Variants in CCDC191 observed in about 807,000 individuals in gnomAD.
CCDC191 encodes coiled-coil domain containing 191.
A neutral mutation model predicts 114.0 loss-of-function variants in CCDC191; 99 were observed. The observed-to-expected ratio is 0.87, with a 90% confidence interval of 0.74 to 1.03. CCDC191 has a LOEUF of 1.03. CCDC191 is among the 50% of genes least tolerant of loss of function. CCDC191 has a pLI of 0.00. For missense variants in CCDC191, 973 were observed against 1,087.0 expected, an observed-to-expected ratio of 0.90 and a Z score of 1.47; for synonymous variants, 351 against 376.0, an observed-to-expected ratio of 0.93 and a Z score of 0.77.
intron 14 of CCDC191, among the ~76,000 whole-genome samples, chr3:113,979,427 A>G (rs1416134235): frequency 2.0e-5 from 3 of 152,232 alleles, no homozygotes; most frequent in Non-Finnish European, 4.4e-5. Flanking sequence ...AATACTTTCA[A>G]TTAGTGTTGT....
rs190072769 is a variant in CCDC191 at position 113,970,619 on chromosome 3, C to A, written c.2607-5260G>T. Among the ~76,000 whole-genome samples the A allele has an allele frequency of 2.4e-3, 367 of 152,192 alleles. 3 individuals carry two copies. The highest frequency in any genetic ancestry group is 7.9e-3 in the African/African-American group (330 of 41,520). ...TTTTAGGGTACATGTGCACAACATGCAGGTTTGTTACATATGTATACATGT... is the reference window on the plus strand; with the variant it reads ...TTTTAGGGTACATGTGCACAACATGAAGGTTTGTTACATATGTATACATGT... On this transcript the variant is annotated intron_variant, in intron 16 of 16. Transcript: ENST00000295878.
intron 16 of CCDC191, among the ~76,000 whole-genome samples, chr3:113,971,100 C>A (rs1181236632): frequency 6.6e-6 from 1 of 152,180 alleles, no homozygotes; most frequent in East Asian, 1.9e-4. Flanking sequence ...ATGGGTGGGT[C>A]AAATGGTATT....
At chr3:113,970,657 T>C (rs1371412079) in intron 16 of CCDC191, among the ~76,000 whole-genome samples, 1 of 152,188 alleles carries the variant, frequency 6.6e-6, no homozygotes, top group Admixed American at 6.5e-5. Flanking sequence ...CATGTTGGTG[T>C]GCTGCACCCA....
At chr3:114,015,833 C>A (rs539169083) in intron 8 of CCDC191, among the ~76,000 whole-genome samples, 2 of 152,244 alleles carry the variant, frequency 1.3e-5, no homozygotes, top group African/African-American at 4.8e-5. Flanking sequence ...AACAGAGTAA[C>A]CACAATTCCT....
At chr3:113,996,332 G>C (rs2075721343) in intron 13 of CCDC191, among the ~76,000 whole-genome samples, 1 of 152,112 alleles carries the variant, frequency 6.6e-6, no homozygotes, top group South Asian at 2.1e-4. Flanking sequence ...GCATAGGCTA[G>C]CCAGTTTTCC....
At chr3:113,993,157 G>T (rs1300986081) in intron 13 of CCDC191, among the ~76,000 whole-genome samples, 1 of 152,150 alleles carries the variant, frequency 6.6e-6, no homozygotes, top group East Asian at 1.9e-4. Flanking sequence ...TGTGACCCAG[G>T]TGTGGTGGCT....
chr3:114,003,567 A>G (rs181653624), intron 11 of CCDC191: 1 of 985,472 alleles, frequency 1.0e-6, no homozygotes, highest in African/African-American at 1.7e-5. Context: ...AATCATCAAA[A>G]GACTACTTGA....
At chr3:113,978,379 CAAAG>C (rs1559875667) in intron 15 of CCDC191, 48 bp from the exon 16 acceptor site, 1 of 1,587,050 alleles carries the variant, frequency 6.3e-7, no homozygotes, top group African/African-American at 1.3e-5. Context: ...TATCAGTTGA[CAAAG>C]AATTAGAGCA....
intron 2 of CCDC191, among the ~76,000 whole-genome samples, chr3:114,049,237 A>AT (rs1408092600): frequency 6.6e-6 from 1 of 152,132 alleles, no homozygotes; most frequent in Non-Finnish European, 1.5e-5. Context: ...GTAGAGACCT[A>AT]TTTTCCCATA....
At chr3:114,022,414 A>G (rs935300571) in intron 7 of CCDC191, among the ~76,000 whole-genome samples, 2 of 152,270 alleles carry the variant, frequency 1.3e-5, no homozygotes, top group South Asian at 2.1e-4. Flanking sequence ...TTCCTCAGCT[A>G]TTTCTCTTTT....
In CCDC191 at chr3:114,001,287, C is replaced by T. The variant is rs1157053546; in HGVS notation, c.2163+308G>A. On this transcript the variant is annotated intron_variant, in intron 13 of 16. Transcript: ENST00000295878. Reference sequence around the variant, plus strand: ...GAATAAAACAGCCATAAAACAAATGCACAATGATAACTGTCAATAATGTTC... The same window carrying T: ...GAATAAAACAGCCATAAAACAAATGTACAATGATAACTGTCAATAATGTTC... Among the ~76,000 whole-genome samples, 5 of 152,096 alleles carry T rather than the reference C, an allele frequency of 3.3e-5. No individual in the cohort carries two copies. The East Asian group carries it at 9.6e-4, about 29-fold the overall frequency.
At chr3:114,046,870 G>C in intron 2 of CCDC191, 138 bp from the exon 3 acceptor site, 2 of 1,382,126 alleles carry the variant, frequency 1.4e-6, no homozygotes, top group Non-Finnish European at 1.9e-6. Context: ...AGAAACTCTT[G>C]AGGTTTAAAC....
intron 13 of CCDC191, among the ~76,000 whole-genome samples, chr3:113,998,852 G>A (rs1413965862): frequency 2.0e-5 from 3 of 152,146 alleles, no homozygotes; most frequent in Admixed American, 6.5e-5. Flanking sequence ...CTTATCTACT[G>A]TCATAGTATT....
At chr3:114,024,528 T>G (rs2076291257) in intron 7 of CCDC191, among the ~76,000 whole-genome samples, 1 of 152,072 alleles carries the variant, frequency 6.6e-6, no homozygotes, top group Admixed American at 6.6e-5. Context: ...CCATAAAAAA[T>G]GATGAGTTCA....
rs201867663 is a variant in CCDC191, at chr3:114,010,813, C to T, written c.1372G>A (p.Glu458Lys). ...NGLSGISLPE[E>K]ATAMVGPPVK... is the part of the protein sequence containing the mutation. ...GGTGGACCCACCATGGCTGTTGCCT[C>T]CTCAGGTAGACTGATGCCTGATAAC... Residue 458 changes from glutamate (E) to lysine (K), a missense_variant, in exon 9 of 17, where the codon GAG becomes AAG. Coordinates refer to ENST00000295878, the MANE Select transcript of CCDC191 (RefSeq NM_020817.2). The T allele has an allele frequency of 2.5e-6, 4 of 1,613,960 alleles. No homozygotes were observed. Among genetic ancestry groups the T allele is most frequent in the Non-Finnish European group, 3.4e-6 (4 of 1,179,832 alleles).
At chr3:114,027,799 C>G (rs903184128) in intron 7 of CCDC191, among the ~76,000 whole-genome samples, 17 of 152,186 alleles carry the variant, frequency 1.1e-4, no homozygotes, top group African/African-American at 3.9e-4. Context: ...TTCCAGTTAT[C>G]TAGTCACTCC....
chr3:114,031,859 A>G lies in CCDC191; in HGVS notation c.819-80T>C, dbSNP rs553510531. On this transcript the variant is annotated intron_variant, in intron 6 of 16. Transcript: ENST00000295878. ...CAATTACAACCTACTGTAGCAGAAT[A>G]ATCACTGAATTCTCCTTCGGAATAC... 4.5e-5 allele frequency: 30 copies of G among 662,710 alleles called. No homozygotes were observed. The African/African-American group carries it at 5.3e-4, about 12-fold the overall frequency. 41.1% of individuals were successfully genotyped at this position (662,710 alleles called of 1,614,324 possible). A position where few individuals can be genotyped will look rare whatever the true frequency, so the allele number is the denominator to read the frequency against.
chr3:114,011,583 A>G (rs1279911965), intron 8 of CCDC191, among the ~76,000 whole-genome samples: 1 of 152,236 alleles, frequency 6.6e-6, no homozygotes, highest in African/African-American at 2.4e-5. Context: ...GGACTCATTT[A>G]CCAAACCCTT....
Position 114,002,797 on chromosome 3 carries a change from A to C in CCDC191, c.1979-259T>G, listed in dbSNP as rs536242851. 8.6e-5 allele frequency: 80 copies of C among 926,986 alleles called. No individual in the cohort carries two copies. The Middle Eastern group carries it at 5.5e-3, about 64-fold the overall frequency. The allele number at this position is 926,986 out of a possible 1,614,324, so 57.4% of individuals were successfully genotyped here. A position where few individuals can be genotyped will look rare whatever the true frequency, so the allele number is the denominator to read the frequency against. On this transcript the variant is annotated intron_variant, in intron 11 of 16. Transcript: ENST00000295878. ...ATTTTGTTTACATTTTTATTAAAAT[A>C]ATTGTTTACTGATTTATAATGTGCC...
Sources: allele counts gnomAD v4.1 joint callset (sites outside exome capture counted in the v4.1 genomes callset), GRCh38; gene constraint gnomAD v4.1.1; transcripts MANE v1.5; gene names NCBI Gene and HGNC (gene_info 2026-07-23, HGNC 2026-07-21).